CNTRL: variants seen among roughly 807,000 people sequenced by gnomAD.
CNTRL encodes the protein 110 kDa centrosomal protein.
CNTRL carries 233 observed loss-of-function variants against 303.7 expected under a neutral mutation model. That is an observed-to-expected ratio of 0.77 (90% CI 0.69 to 0.86). The LOEUF (loss-of-function observed/expected upper bound fraction) is 0.86. Ranked by LOEUF, CNTRL falls within the 40% of genes least tolerant of loss-of-function variation. The pLI, the probability that CNTRL is intolerant of heterozygous loss-of-function variation, is 0.00. For missense variants in CNTRL, 2,524 were observed against 2,650.6 expected (o/e 0.95, Z 1.05); for synonymous variants, 900 against 922.2 (o/e 0.98, Z 0.44).
In CNTRL at chr9:121,124,216, A is replaced by G. The variant is rs907329031; in HGVS notation, c.1804+132A>G. The G allele has an allele frequency of 3.8e-6, 3 of 789,358 alleles. 1 individual carries two copies. The highest frequency in any genetic ancestry group is 5.6e-6 in the Non-Finnish European group (3 of 531,948). 48.9% of individuals were successfully genotyped at this position (789,358 alleles called of 1,614,324 possible). ...TAGTACTAGTATTTGATAGGGAAAT[A>G]TTTACAGGATACCCAAAAGTAGTTA... is the stretch of plus-strand genomic sequence containing the variant. On this transcript the variant is annotated intron_variant, in intron 13 of 43. Coordinates refer to ENST00000373855, the MANE Select transcript of CNTRL (RefSeq NM_007018.6).
At chr9:121,080,744 T>C (rs1236361798) in intron 2 of CNTRL, among the ~76,000 whole-genome samples, 1 of 152,194 alleles carries the variant, frequency 6.6e-6, no homozygotes, top group Non-Finnish European at 1.5e-5. Context: ...TAATAGATTA[T>C]ATTAGTGTAA....
At chr9:121,166,747 T>G (rs2053106906) in intron 36 of CNTRL, among the ~76,000 whole-genome samples, 1 of 152,124 alleles carries the variant, frequency 6.6e-6, no homozygotes, top group South Asian at 2.1e-4. Flanking sequence ...TTATGCCAGG[T>G]GCAGTGGCTC....
chr9:121,089,394 T>G (rs2048469652), intron 3 of CNTRL, among the ~76,000 whole-genome samples: 1 of 152,186 alleles, frequency 6.6e-6, no homozygotes, highest in African/African-American at 2.4e-5. Context: ...GATTAATTTT[T>G]TCTGACTCGT....
At chr9:121,137,753 AG>A (rs1443353418) in intron 15 of CNTRL, among the ~76,000 whole-genome samples, 1 of 152,226 alleles carries the variant, frequency 6.6e-6, no homozygotes, top group Non-Finnish European at 1.5e-5. Context: ...TAAAATTTCT[AG>A]ATGGCATTTT....
intron 2 of CNTRL, among the ~76,000 whole-genome samples, chr9:121,087,899 T>A (rs2048408857): frequency 1.3e-5 from 2 of 152,064 alleles, no homozygotes; most frequent in South Asian, 4.2e-4. Context: ...GAATGCGGTG[T>A]CCCAGAAACC....
intron 34 of CNTRL, among the ~76,000 whole-genome samples, chr9:121,163,682 T>C (rs2052960077): frequency 6.6e-6 from 1 of 152,098 alleles, no homozygotes; most frequent in Non-Finnish European, 1.5e-5. Context: ...AACCCAGTTA[T>C]TTAAATGGGC....
intron 7 of CNTRL, among the ~76,000 whole-genome samples, chr9:121,099,119 A>C (rs1209420439): frequency 6.6e-6 from 1 of 152,180 alleles, no homozygotes; most frequent in Non-Finnish European, 1.5e-5. Context: ...CTGCCTCCTC[A>C]AGTGGGTCCC....
At chr9:121,176,194 G>A (rs953049708) in intron 43 of CNTRL, among the ~76,000 whole-genome samples, 2 of 152,178 alleles carry the variant, frequency 1.3e-5, no homozygotes, top group Non-Finnish European at 2.9e-5. Flanking sequence ...TAAGGAATCT[G>A]TACAAAATGA....
Position 121,138,572 on chromosome 9 carries a change from C to T in CNTRL, c.2230C>T (p.Leu744Phe). The T allele has an allele frequency of 6.2e-7, 1 of 1,613,888 alleles. No individual in the cohort carries two copies. The highest frequency in any genetic ancestry group is 1.7e-5 in the Admixed American group (1 of 60,018). The part of the protein sequence containing the change: ...QLEQSALQAE[L>F]EKERQALKNA... ...AGAACAATCAGCCCTTCAAGCAGAA[C>T]TTGAGAAGGAAAGGCAAGCCCTCAA... Residue 744 changes from leucine to phenylalanine, a missense_variant, in exon 16 of 44, where the codon CTT becomes TTT. Coordinates refer to ENST00000373855, the MANE Select transcript of CNTRL (RefSeq NM_007018.6).
intron 7 of CNTRL, among the ~76,000 whole-genome samples, chr9:121,106,945 G>A (rs1466417644): frequency 6.6e-6 from 1 of 152,100 alleles, no homozygotes; most frequent in Non-Finnish European, 1.5e-5. Flanking sequence ...AGACTTTAAT[G>A]TGCTAGGCTA....
chr9:121,100,088 A>G (rs1391342454), intron 7 of CNTRL, among the ~76,000 whole-genome samples: 1 of 152,184 alleles, frequency 6.6e-6, no homozygotes, highest in Admixed American at 6.5e-5. Flanking sequence ...GAGAATAGCA[A>G]CTCCAAGACA....
At chr9:121,165,833 G>A (rs1407657154) in intron 35 of CNTRL, among the ~76,000 whole-genome samples, 3 of 152,116 alleles carry the variant, frequency 2.0e-5, no homozygotes, top group Admixed American at 1.3e-4. Flanking sequence ...CAATGCAGAA[G>A]GTAGCTGTTT....
intron 4 of CNTRL, among the ~76,000 whole-genome samples, chr9:121,093,919 G>T (rs1294409749): frequency 6.6e-6 from 1 of 152,046 alleles, no homozygotes; most frequent in African/African-American, 2.4e-5. Context: ...AGACATTGTG[G>T]CTGACATGGT....
intron 36 of CNTRL, among the ~76,000 whole-genome samples, 200 bp from the exon 37 acceptor site, chr9:121,167,289 C>T (rs2053134102): frequency 7.1e-6 from 1 of 140,122 alleles, no homozygotes; most frequent in Admixed American, 7.6e-5. Context: ...CCAGCCTTGG[C>T]AACAGAGCAA....
rs1364441572 is a variant in CNTRL, at chr9:121,177,139, ATCCT to A, written c.6955-18_6955-15del. On this transcript the variant is annotated intron_variant, in intron 43 of 43. Coordinates refer to ENST00000373855, the MANE Select transcript of CNTRL (RefSeq NM_007018.6). ...TTTTACTGTTTCAAGAATTTGATTT[ATCCT>A]TCCTTTTGTCTTACTGTAGGAAAAG... 1 of 1,601,136 alleles carries A rather than the reference ATCCT, an allele frequency of 6.2e-7. No individual in the cohort carries two copies. Among genetic ancestry groups the A allele is most frequent in the Non-Finnish European group, 8.6e-7 (1 of 1,169,046 alleles).
intron 6 of CNTRL, among the ~76,000 whole-genome samples, chr9:121,096,912 A>G (rs1352233268): frequency 6.6e-6 from 1 of 151,974 alleles, no homozygotes; most frequent in Non-Finnish European, 1.5e-5. Context: ...TCCCTTATCT[A>G]GAGTCACATT....
chr9:121,117,068 C>CATTAACAGT (rs2050010219), intron 11 of CNTRL, among the ~76,000 whole-genome samples: 1 of 152,148 alleles, frequency 6.6e-6, no homozygotes. Flanking sequence ...AATGAGTTAA[C>CATTAACAGT]ATTAACAGTT....
intron 21 of CNTRL, 21 bp from the exon 22 acceptor site, chr9:121,145,223 A>G (rs746170360): frequency 1.3e-6 from 2 of 1,596,636 alleles, no homozygotes; most frequent in Admixed American, 3.6e-5. Context: ...GCAACTTTGT[A>G]TGTGTAATTT....
intron 2 of CNTRL, among the ~76,000 whole-genome samples, chr9:121,086,994 CA>C (rs1338229997): frequency 1.3e-5 from 2 of 152,064 alleles, no homozygotes; most frequent in African/African-American, 2.4e-5. Flanking sequence ...TATCTGACTG[CA>C]ATGTAATGAT....
Sources: allele counts gnomAD v4.1 joint callset (sites outside exome capture counted in the v4.1 genomes callset), GRCh38; gene constraint gnomAD v4.1.1; transcripts MANE v1.5; gene names NCBI Gene and HGNC (gene_info 2026-07-23, HGNC 2026-07-21).